The following NFE2L1 variants were observed in gnomAD, a reference collection of about 807,000 sequenced individuals.
NFE2L1 encodes NFE2 like bZIP transcription factor 1, also known as endoplasmic reticulum membrane sensor NFE2L1.
Under a neutral mutation model 61.6 loss-of-function variants are expected in NFE2L1, and 18 were observed. The ratio of observed to expected loss-of-function variants is 0.29; its 90% confidence interval spans 0.20 to 0.43. NFE2L1 has a LOEUF of 0.43. NFE2L1 is among the 20% of genes least tolerant of loss of function. The pLI, the probability that NFE2L1 is intolerant of heterozygous loss-of-function variation, is 1.00. For synonymous variants in NFE2L1, 419 were observed against 402.7 expected, an observed-to-expected ratio of 1.04 and a Z score of -0.48; for missense variants, 827 against 973.5, an observed-to-expected ratio of 0.85 and a Z score of 2.00.
chr17:48,056,501 A>T lies in NFE2L1; in HGVS notation c.626A>T (p.Asp209Val), dbSNP rs2037404089. 9.9e-6 allele frequency: 16 copies of T among 1,614,174 alleles called. No individual in the cohort carries two copies. The highest frequency in any genetic ancestry group is 1.4e-5 in the Non-Finnish European group (16 of 1,180,016). ...KEQDVEKELR[D>V]GGEQDTWAGE... is the part of the protein sequence containing the mutation. ...CAGGATGTGGAGAAGGAGCTGCGAG[A>T]TGGAGGCGAGCAGGACACCTGGGCA... Residue 209 changes from aspartate to valine, a missense_variant, in exon 3 of 6, where the codon GAT becomes GTT. Around this residue, in one of 3 missense-constraint regions of NFE2L1, gnomAD observed 667 missense variants for 748.4 expected, o/e 0.89. Transcript: ENST00000362042.
rs750511889 is a variant in NFE2L1 at position 48,058,578 on chromosome 17, C to T, written c.1256C>T (p.Pro419Leu). 1 of 1,613,692 alleles carries T rather than the reference C, an allele frequency of 6.2e-7. No individual in the cohort carries two copies. The highest frequency in any genetic ancestry group is 1.7e-5 in the Admixed American group (1 of 60,010). The change falls in exon 6 of 6, where the codon CCA becomes CTA. Residue 419 changes from proline to leucine, a missense_variant. Around this residue, in one of 3 missense-constraint regions of NFE2L1, gnomAD observed 667 missense variants for 748.4 expected, o/e 0.89. Coordinates refer to ENST00000362042, the MANE Select transcript of NFE2L1 (RefSeq NM_003204.3). ...GSTNLTGLFF[P>L]PQLNGTANDT... ...ACCAACCTGACAGGGCTCTTCTTTC[C>T]ACCCCAGCTCAATGGCACAGCCAAT...
Position 48,058,536 on chromosome 17 carries a change from A to C in NFE2L1, c.1214A>C (p.Asn405Thr), listed in dbSNP as rs755777267. Residue 405 changes from asparagine (N) to threonine (T), a missense_variant, in exon 6 of 6, where the codon AAC becomes ACC. By Grantham distance (65) the Asn-to-Thr change is moderately conservative. This residue lies in a region of NFE2L1 where 667 missense variants were observed against 748.4 expected (regional missense o/e 0.89). Coordinates refer to ENST00000362042, the MANE Select transcript of NFE2L1 (RefSeq NM_003204.3). The part of the protein sequence containing the change: ...PLAPSNSTSL[N>T]STFGSTNLTG... ...GCCCCCAGCAATTCTACCAGCCTCA[A>C]CTCCACCTTCGGCTCCACCAACCTG... 1 of 1,612,808 alleles carries C rather than the reference A, an allele frequency of 6.2e-7. No individual in the cohort carries two copies. The highest frequency in any genetic ancestry group is 8.5e-7 in the Non-Finnish European group (1 of 1,179,406).
In NFE2L1 at chr17:48,051,191, C is replaced by T. The variant is rs750380583; in HGVS notation, c.73C>T (p.Arg25Trp). The T allele has an allele frequency of 4.3e-6, 7 of 1,614,020 alleles. No individual in the cohort carries two copies. The highest frequency in any genetic ancestry group is 3.3e-5 in the Admixed American group (2 of 60,000). The change falls in exon 2 of 6, where the codon CGG (arginine) becomes TGG (tryptophan). Residue 25 changes from arginine (R) to tryptophan (W), a missense_variant. Physicochemically the swap from Arg to Trp is moderately radical, Grantham distance 101 (BLOSUM62 -3). This residue lies in a region of NFE2L1 where 667 missense variants were observed against 748.4 expected (regional missense o/e 0.89). Transcript: ENST00000362042. ...FTILLSLIGV[R>W]VDVDTYLTSQ... ...CATTCTGCTGAGTTTGATTGGGGTA[C>T]GGGTGGACGTGGATACTTACCTGAC...
In NFE2L1 at chr17:48,056,601, A is replaced by G; in HGVS notation, c.723+3A>G. ...CTGGGGAGAGCTTCCCTGCACAGGT[A>G]CCATCGCCCCTGCTCACTGGGCTCT... On this transcript the variant is annotated splice_donor_region_variant and intron_variant, in intron 3 of 5. Transcript: ENST00000362042. 3.1e-6 allele frequency: 5 copies of G among 1,612,430 alleles called. No homozygotes were observed. Among genetic ancestry groups the G allele is most frequent in the Non-Finnish European group, 4.2e-6 (5 of 1,179,768 alleles).
Position 48,059,515 on chromosome 17 carries a change from ACCCTACTCGCC to A in NFE2L1, c.2195_2205del (p.Pro732GlnfsTer46). 6.2e-7 allele frequency: 1 copy of A among 1,613,680 alleles called. No individual in the cohort carries two copies. The highest frequency in any genetic ancestry group is 1.7e-5 in the Admixed American group (1 of 59,976). ...GGCGGCTGCGAGATGAGAACGGACGACCCTACTCGCCCAGTCAGTATGCGCTCCAGTACGCC... is the reference window on the plus strand; with the variant it reads ...GGCGGCTGCGAGATGAGAACGGACGACAGTCAGTATGCGCTCCAGTACGCC... On this transcript the variant is annotated frameshift_variant, in exon 6 of 6. Coordinates refer to ENST00000362042, the MANE Select transcript of NFE2L1 (RefSeq NM_003204.3). LOFTEE classifies it high-confidence loss of function. The surrounding 1 kb of genome is among the most constrained non-coding windows in gnomAD (Gnocchi z 6.1).
intron 4 of NFE2L1, 103 bp from the exon 5 acceptor site, chr17:48,057,241 T>C: frequency 6.3e-7 from 1 of 1,589,704 alleles, no homozygotes; most frequent in Non-Finnish European, 8.6e-7. Context: ...TGGGGGTAAA[T>C]GCAGAGGAAG....
chr17:48,053,521 C>G lies in NFE2L1; in HGVS notation c.510+1893C>G, dbSNP rs565830637. 6.6e-5 allele frequency among the ~76,000 whole-genome samples: 10 copies of G among 152,364 alleles called. No homozygotes were observed. In the East Asian group the frequency reaches 1.9e-3, roughly 29 times the overall value. On this transcript the variant is annotated intron_variant, in intron 2 of 5. Transcript: ENST00000362042. Reference sequence around the variant, plus strand: ...GTACTCCCCCGCTGCCAGGCCTGCTCTATGGACAGCCATAGCCTAGGCTGT... The same window carrying G: ...GTACTCCCCCGCTGCCAGGCCTGCTGTATGGACAGCCATAGCCTAGGCTGT...
chr17:48,059,618 A>G lies in NFE2L1; in HGVS notation c.2296A>G (p.Lys766Glu). The G allele has an allele frequency of 6.4e-7, 1 of 1,568,172 alleles. No homozygotes were observed. ...ADQQARRQER[K>E]PKDRRK The stretch of plus-strand genomic sequence containing the variant: ...CCAGCAGGCCCGGCGGCAGGAGAGG[A>G]AGCCAAAGGACCGGAGAAAGTGAGC... The change falls in exon 6 of 6, where the codon AAG (lysine) becomes GAG (glutamate). Residue 766 changes from lysine (K) to glutamate (E), a missense_variant. Lys to Glu is a moderately conservative substitution (Grantham distance 56). This residue lies in a region of NFE2L1 where 86 missense variants were observed against 97.3 expected (regional missense o/e 0.88). Transcript: ENST00000362042. The surrounding 1 kb of genome is among the most constrained non-coding windows in gnomAD (Gnocchi z 6.1).
At chr17:48,053,524 T>C (rs905439419) in intron 2 of NFE2L1, among the ~76,000 whole-genome samples, 2 of 152,246 alleles carry the variant, frequency 1.3e-5, no homozygotes, top group African/African-American at 4.8e-5. Flanking sequence ...GCCTGCTCTA[T>C]GGACAGCCAT....
In NFE2L1 at chr17:48,060,049, C is replaced by G. The variant is rs1239270620; in HGVS notation, c.*408C>G. The stretch of plus-strand genomic sequence containing the variant: ...AGGAAGGAAGGAACCCCCCCCCCCC[C>G]GAAAAAAAAATCAAAGCGGGAAGAA... On this transcript the variant is annotated 3_prime_UTR_variant, in exon 6 of 6. Transcript: ENST00000362042. The G allele has an allele frequency of 1.6e-4, 19 of 121,072 alleles. 1 individual carries two copies. Among genetic ancestry groups the G allele is most frequent in the Non-Finnish European group, 2.9e-4 (16 of 55,426 alleles). The allele number at this position is 121,072 out of a possible 1,614,324, so 7.5% of individuals were successfully genotyped here. A position where few individuals can be genotyped will look rare whatever the true frequency, so the allele number is the denominator to read the frequency against.
chr17:48,052,979 G>T (rs1402222558), intron 2 of NFE2L1, among the ~76,000 whole-genome samples: 1 of 152,160 alleles, frequency 6.6e-6, no homozygotes, highest in Non-Finnish European at 1.5e-5. Context: ...ACCTTTCAGG[G>T]CCTGTTAATT....
Position 48,059,323 on chromosome 17 carries a change from G to A in NFE2L1, c.2001G>A (p.Ala667=), listed in dbSNP as rs376772324. Residue 667 remains alanine, a synonymous_variant, in exon 6 of 6, where the codon GCG becomes GCA. Coordinates refer to ENST00000362042, the MANE Select transcript of NFE2L1 (RefSeq NM_003204.3). The surrounding 1 kb of genome is among the most constrained non-coding windows in gnomAD (Gnocchi z 6.1). The part of the protein sequence containing the change: ...DIRRRGKNKM[A]AQNCRKRKLD... ...GGCGCCGGGGCAAGAACAAGATGGC[G>A]GCGCAGAACTGCCGCAAGCGCAAGC... 2.0e-5 allele frequency: 33 copies of A among 1,614,078 alleles called. No individual in the cohort carries two copies. Among genetic ancestry groups the A allele is most frequent in the Admixed American group, 1.0e-4 (6 of 60,010 alleles).
At chr17:48,049,351 C>T (rs889954729) in intron 1 of NFE2L1, among the ~76,000 whole-genome samples, 1 of 152,314 alleles carries the variant, frequency 6.6e-6, no homozygotes, top group South Asian at 2.1e-4. Context: ...TAGTAGGGCC[C>T]CCACCATCCC....
chr17:48,051,012 A>T lies in NFE2L1; in HGVS notation c.-107A>T. 7.1e-7 allele frequency: 1 copy of T among 1,404,516 alleles called. No homozygotes were observed. The highest frequency in any genetic ancestry group is 2.1e-4 in the Middle Eastern group (1 of 4,690). 87.0% of individuals were successfully genotyped at this position (1,404,516 alleles called of 1,614,324 possible). On this transcript the variant is annotated 5_prime_UTR_variant, in exon 2 of 6. Transcript: ENST00000362042. ...CTGCCAGGGTGGGGTACGGGGTTTGACACTGAGGAGGGTAACCTGCTGGCT... is the reference window on the plus strand; with the variant it reads ...CTGCCAGGGTGGGGTACGGGGTTTGTCACTGAGGAGGGTAACCTGCTGGCT...
rs372476877 is a variant in NFE2L1, at chr17:48,051,567, G to A, written c.449G>A (p.Gly150Asp). 19 of 1,614,112 alleles carry A rather than the reference G, an allele frequency of 1.2e-5. No individual in the cohort carries two copies. The highest frequency in any genetic ancestry group is 2.7e-5 in the African/African-American group (2 of 74,934). ...GAAAGCGAAACGGAGCAGGGATTCG[G>A]TGAAGATTTGGAGGATTTGGGGGCT... ...VRESETEQGF[G>D]EDLEDLGAVA... The change falls in exon 2 of 6, where the codon GGT (glycine) becomes GAT (aspartate). Residue 150 changes from glycine to aspartate, a missense_variant. By Grantham distance (94) the Gly-to-Asp change is moderately conservative. This residue lies in a region of NFE2L1 where 667 missense variants were observed against 748.4 expected (regional missense o/e 0.89). Transcript: ENST00000362042.
In NFE2L1 at chr17:48,059,518, C is replaced by A; in HGVS notation, c.2196C>A (p.Pro732=). The change falls in exon 6 of 6, where the codon CCC becomes CCA. Residue 732 remains proline (P), a synonymous_variant. Coordinates refer to ENST00000362042, the MANE Select transcript of NFE2L1 (RefSeq NM_003204.3). The surrounding 1 kb of genome is among the most constrained non-coding windows in gnomAD (Gnocchi z 6.1). The part of the protein sequence containing the change: ...FGRLRDENGR[P]YSPSQYALQY... ...GGCTGCGAGATGAGAACGGACGACC[C>A]TACTCGCCCAGTCAGTATGCGCTCC... 1 of 1,614,004 alleles carries A rather than the reference C, an allele frequency of 6.2e-7. No individual in the cohort carries two copies. The highest frequency in any genetic ancestry group is 8.5e-7 in the Non-Finnish European group (1 of 1,179,906).
intron 5 of NFE2L1, among the ~76,000 whole-genome samples, chr17:48,057,767 G>C (rs2037440270): frequency 6.6e-6 from 1 of 152,154 alleles, no homozygotes; most frequent in Admixed American, 6.5e-5. Context: ...CTTTCCTTCA[G>C]GCAGATAGGC....
chr17:48,054,658 TG>T (rs1051356476), intron 2 of NFE2L1: 22 of 240,540 alleles, frequency 9.1e-5, no homozygotes, highest in South Asian at 3.1e-4. Context: ...TTGGGGGGCG[TG>T]GGGGGGAGGA....
chr17:48,057,516 A>G lies in NFE2L1; in HGVS notation c.972+14A>G. On this transcript the variant is annotated intron_variant, in intron 5 of 5. Transcript: ENST00000362042. ...ATGGAAATGCAGGTAGGATTGTCGG[A>G]ACCGGGCACAAACCTATTGGATTTT... The G allele has an allele frequency of 3.1e-6, 5 of 1,608,358 alleles. No individual in the cohort carries two copies. Among genetic ancestry groups the G allele is most frequent in the Non-Finnish European group, 3.4e-6 (4 of 1,177,220 alleles).
Sources: allele counts gnomAD v4.1 joint callset (sites outside exome capture counted in the v4.1 genomes callset), GRCh38; gene constraint gnomAD v4.1.1; regional missense constraint gnomAD v4.1.1; non-coding constraint Gnocchi (gnomAD v3.1); transcripts MANE v1.5; gene names NCBI Gene and HGNC (gene_info 2026-07-23, HGNC 2026-07-21).